Variants in ZNF606 observed in about 807,000 individuals in gnomAD.
ZNF606 encodes the protein zinc finger protein 328.
In ZNF606, 37 loss-of-function variants were observed where a neutral mutation model predicts 74.9. That is an observed-to-expected ratio of 0.49 (90% CI 0.38 to 0.65). The LOEUF (loss-of-function observed/expected upper bound fraction) is 0.65, where lower values mean the gene tolerates loss of function less well. Ranked by LOEUF, ZNF606 falls within the 30% of genes least tolerant of loss-of-function variation. ZNF606 has a pLI of 0.00. For synonymous variants in ZNF606, 328 were observed against 312.4 expected (o/e 1.05, Z -0.53); for missense variants, 852 against 952.9 (o/e 0.89, Z 1.39).
intron 3 of ZNF606, 173 bp downstream of exon 3, chr19:58,000,510 C>G (rs750722060): frequency 5.4e-6 from 4 of 744,858 alleles, no homozygotes; most frequent in Non-Finnish European, 9.4e-6. Flanking sequence ...TGAGTCACCA[C>G]GCCTGGCCAC....
At chr19:57,992,671 T>C (rs1428763206) in intron 4 of ZNF606, among the ~76,000 whole-genome samples, 2 of 152,228 alleles carry the variant, frequency 1.3e-5, no homozygotes. Flanking sequence ...CTGAGTATGA[T>C]AAAGGTATTG....
intron 6 of ZNF606, among the ~76,000 whole-genome samples, chr19:57,984,977 C>A (rs1568576155): frequency 6.6e-6 from 1 of 152,054 alleles, no homozygotes; most frequent in Non-Finnish European, 1.5e-5. Flanking sequence ...CGCCTGTAGT[C>A]CCACCTACTA....
chr19:57,994,869 C>T (rs4801538), intron 4 of ZNF606, among the ~76,000 whole-genome samples: 104,178 of 151,892 alleles, frequency 0.69, 35,882 homozygotes, highest in South Asian at 0.73. Flanking sequence ...TAGAGACATG[C>T]GGCAGCACTA....
intron 4 of ZNF606, among the ~76,000 whole-genome samples, chr19:57,996,951 G>A (rs1203771783): frequency 6.6e-6 from 1 of 152,204 alleles, no homozygotes; most frequent in Non-Finnish European, 1.5e-5. Context: ...TAAACCCTTT[G>A]AGAGTCTGAA....
chr19:57,979,756 T>A lies in ZNF606; in HGVS notation c.924A>T (p.Lys308Asn), dbSNP rs765349772. The A allele has an allele frequency of 1.9e-6, 3 of 1,613,552 alleles. No homozygotes were observed. The South Asian group carries it at 3.3e-5, about 18-fold the overall frequency. The change falls in exon 7 of 7, where the codon AAA becomes AAT. Residue 308 changes from lysine to asparagine, a missense_variant. This residue lies in a region of ZNF606 where 545 missense variants were observed against 542.5 expected (regional missense o/e 1.00). Transcript: ENST00000551380. ...AGAGTTTTTCTCCTGTGTGAATTCCTTTATGATCACCAAAATGTATTATAT... is the reference window on the plus strand; with the variant it reads ...AGAGTTTTTCTCCTGTGTGAATTCCATTATGATCACCAAAATGTATTATAT... ...FNHIIHFGDH[K>N]GIHTGEKLYE...
intron 4 of ZNF606, among the ~76,000 whole-genome samples, chr19:57,997,053 AT>A (rs1183892772): frequency 6.6e-6 from 1 of 152,196 alleles, no homozygotes; most frequent in Non-Finnish European, 1.5e-5. Flanking sequence ...GGCAATTCAG[AT>A]GGCTTCTGTG....
At chr19:57,988,420 T>C (rs1289378576) in intron 5 of ZNF606, 118 bp from the exon 6 acceptor site, 1 of 1,368,384 alleles carries the variant, frequency 7.3e-7, no homozygotes, top group Non-Finnish European at 1.0e-6. Flanking sequence ...TGCAAGGTCC[T>C]TCCCACTCCA....
chr19:58,002,456 T>C lies in ZNF606; in HGVS notation c.-112A>G, dbSNP rs1193632059. The C allele has an allele frequency of 8.8e-6, 4 of 454,880 alleles. No homozygotes were observed. Among genetic ancestry groups the C allele is most frequent in the Admixed American group, 4.7e-5 (2 of 42,416 alleles). 28.2% of individuals were successfully genotyped at this position (454,880 alleles called of 1,614,324 possible). On this transcript the variant is annotated 5_prime_UTR_variant, in exon 1 of 7. Transcript: ENST00000551380. Reference sequence around the variant, plus strand: ...GCAGCAGGATCGGGGTCTGCCCGCCTGGGGCGTTTGGCTTTTGTCCCGCGC... The same window carrying C: ...GCAGCAGGATCGGGGTCTGCCCGCCCGGGGCGTTTGGCTTTTGTCCCGCGC...
chr19:57,988,158 AAG>A (rs752509364), intron 6 of ZNF606, 47 bp downstream of exon 6: 1 of 1,517,838 alleles, frequency 6.6e-7, no homozygotes, highest in East Asian at 2.3e-5. Context: ...TTTCTCAACA[AAG>A]AGGGCTTGGG....
rs1048409115 is a variant in ZNF606 at position 57,985,542 on chromosome 19, G to A, written c.400+2665C>T. 3.9e-5 allele frequency among the ~76,000 whole-genome samples: 6 copies of A among 152,062 alleles called. 1 individual carries two copies. The highest frequency in any genetic ancestry group is 3.3e-4 in the Admixed American group (5 of 15,266). On this transcript the variant is annotated intron_variant, in intron 6 of 6. Coordinates refer to ENST00000551380, the MANE Select transcript of ZNF606 (RefSeq NM_001348022.3). ...CAAACAGGTGGGGCCCAAAACACACGAGTCAAAAAGATAGAATGAAAGAGC... is the reference window on the plus strand; with the variant it reads ...CAAACAGGTGGGGCCCAAAACACACAAGTCAAAAAGATAGAATGAAAGAGC...
Position 58,000,716 on chromosome 19 carries a change from C to G in ZNF606, c.55G>C (p.Gly19Arg). ...SWGALTDQSWGMTAVDPWASW... is the reference protein window; with the variant it reads ...SWGALTDQSWRMTAVDPWASW... ...GCCCATGGGTCAACAGCTGTCATCCCCCAAGATTGGTCCGTAAGGGCACCT... is the reference window on the plus strand; with the variant it reads ...GCCCATGGGTCAACAGCTGTCATCCGCCAAGATTGGTCCGTAAGGGCACCT... The change falls in exon 3 of 7, where the codon GGG (glycine) becomes CGG (arginine). Residue 19 changes from glycine to arginine, a missense_variant. Transcript: ENST00000551380. 6.2e-7 allele frequency: 1 copy of G among 1,609,468 alleles called. No homozygotes were observed. The highest frequency in any genetic ancestry group is 8.5e-7 in the Non-Finnish European group (1 of 1,177,502).
chr19:57,987,102 T>C (rs1442561724), intron 6 of ZNF606, among the ~76,000 whole-genome samples: 3 of 152,040 alleles, frequency 2.0e-5, no homozygotes, highest in Non-Finnish European at 4.4e-5. Flanking sequence ...AAGATGTTAA[T>C]TGTAATCCCC....
At chr19:57,999,373 A>C (rs1282683447) in intron 4 of ZNF606, 2 of 188,416 alleles carry the variant, frequency 1.1e-5, no homozygotes, top group Non-Finnish European at 2.2e-5. Context: ...GTAGGCCGTG[A>C]GATCTCCTTA....
rs777059783 is a variant in ZNF606 at position 58,001,347 on chromosome 19, C to T, written c.-28G>A. On this transcript the variant is annotated 5_prime_UTR_variant, in exon 2 of 7. Coordinates refer to ENST00000551380, the MANE Select transcript of ZNF606 (RefSeq NM_001348022.3). ...CGAGGACTGATTGACCAGGCACCTG[C>T]CCAGGAACACAGCAAATCCCAACCT... 3.1e-6 allele frequency: 5 copies of T among 1,613,932 alleles called. No homozygotes were observed. In the African/African-American group the frequency reaches 6.7e-5, roughly 22 times the overall value.
intron 4 of ZNF606, among the ~76,000 whole-genome samples, chr19:57,995,278 C>T (rs1223514673): frequency 6.6e-6 from 1 of 150,940 alleles, no homozygotes; most frequent in East Asian, 1.9e-4. Context: ...TACATAAACA[C>T]GTGCACAAAG....
In ZNF606 at chr19:57,990,520, G is replaced by C. The variant is rs574014228; in HGVS notation, c.178-1799C>G. Among the ~76,000 whole-genome samples the C allele has an allele frequency of 3.7e-5, 5 of 135,388 alleles. No individual in the cohort carries two copies. In the East Asian group the frequency reaches 9.3e-4, roughly 25 times the overall value. The allele number at this position is 135,388 out of a possible 152,430, so 88.8% of individuals were successfully genotyped here. A position where few individuals can be genotyped will look rare whatever the true frequency, so the allele number is the denominator to read the frequency against. On this transcript the variant is annotated intron_variant, in intron 4 of 6. Transcript: ENST00000551380. ...GTAGTACTGCACTCCAAACTGGGCA[G>C]TAGAGCAAAACCCAGTCTCAAAAAA...
chr19:57,991,444 C>T (rs1421209760), intron 4 of ZNF606, among the ~76,000 whole-genome samples: 3 of 152,156 alleles, frequency 2.0e-5, no homozygotes, highest in African/African-American at 7.2e-5. Flanking sequence ...ACAGACTGCC[C>T]AGACCTCAGT....
rs778033369 is a variant in ZNF606, at chr19:57,980,317, A to G, written c.401-38T>C. ...GAAAAAAAGCTATGAGAGCATAGAG[A>G]AAGACATTAGAATAAAGTGGGAATG... On this transcript the variant is annotated intron_variant, in intron 6 of 6. Transcript: ENST00000551380. 1.0e-5 allele frequency: 16 copies of G among 1,549,420 alleles called. No homozygotes were observed. The East Asian group carries it at 3.4e-4, about 33-fold the overall frequency.
Position 57,979,724 on chromosome 19 carries a change from T to C in ZNF606, c.956A>G (p.Tyr319Cys), listed in dbSNP as rs1358863846. Residue 319 changes from tyrosine to cysteine, a missense_variant, in exon 7 of 7, where the codon TAT becomes TGT. By Grantham distance (194) the Tyr-to-Cys change is radical (BLOSUM62 -2). Coordinates refer to ENST00000551380, the MANE Select transcript of ZNF606 (RefSeq NM_001348022.3). ...GIHTGEKLYE[Y>C]KECHQIFNQS... ...GTTAAAGATTTGATGGCATTCCTTA[T>C]ATTCATAGAGTTTTTCTCCTGTGTG... is the stretch of plus-strand genomic sequence containing the variant. The C allele has an allele frequency of 6.8e-6, 11 of 1,613,436 alleles. No homozygotes were observed. Among genetic ancestry groups the C allele is most frequent in the South Asian group, 1.1e-5 (1 of 90,952 alleles).
Sources: allele counts gnomAD v4.1 joint callset (sites outside exome capture counted in the v4.1 genomes callset), GRCh38; gene constraint gnomAD v4.1.1; regional missense constraint gnomAD v4.1.1; transcripts MANE v1.5; gene names NCBI Gene and HGNC (gene_info 2026-07-23, HGNC 2026-07-21).